RCHY1: variants seen among roughly 807,000 people sequenced by gnomAD.
RCHY1 encodes ring finger and CHY zinc finger domain containing 1.
Under a neutral mutation model 41.6 loss-of-function variants are expected in RCHY1, and 21 were observed. That is an observed-to-expected ratio of 0.51 (90% CI 0.36 to 0.73). RCHY1 has a LOEUF of 0.73. RCHY1 is among the 30% of genes least tolerant of loss of function. The pLI is 0.00. For missense variants in RCHY1, 265 were observed against 325.3 expected (o/e 0.81, Z 1.43); for synonymous variants, 79 against 102.9 (o/e 0.77, Z 1.41).
chr4:75,504,621 T>C (rs1392912534), intron 3 of RCHY1, among the ~76,000 whole-genome samples: 1 of 152,236 alleles, frequency 6.6e-6, no homozygotes, highest in Non-Finnish European at 1.5e-5. Flanking sequence ...TTGAAAGTTA[T>C]ACTCAGATTT....
upstream of RCHY1, chr4:75,514,499 G>C (rs1316178854): frequency 5.7e-6 from 3 of 530,776 alleles, no homozygotes; most frequent in Non-Finnish European, 1.0e-5. Flanking sequence ...GTTGACGTTA[G>C]TCGCAGTCTT....
chr4:75,498,153 G>T (rs576807759), intron 3 of RCHY1, among the ~76,000 whole-genome samples: 5 of 148,334 alleles, frequency 3.4e-5, no homozygotes, highest in African/African-American at 9.8e-5. Context: ...AAGAGAAGAC[G>T]TAAGAACTCA....
At chr4:75,506,403 C>T (rs989178375) in intron 3 of RCHY1, among the ~76,000 whole-genome samples, 3 of 151,488 alleles carry the variant, frequency 2.0e-5, no homozygotes, top group Admixed American at 1.3e-4. Context: ...AGTTATTAGG[C>T]ACAGTCCTTT....
intron 3 of RCHY1, among the ~76,000 whole-genome samples, chr4:75,500,014 T>C (rs1578226243): frequency 6.6e-6 from 1 of 152,002 alleles, no homozygotes; most frequent in Non-Finnish European, 1.5e-5. Flanking sequence ...GGTGGCACAT[T>C]CCTATAGTCC....
intron 8 of RCHY1, among the ~76,000 whole-genome samples, chr4:75,487,508 T>G (rs1329222691): frequency 1.6e-4 from 21 of 132,112 alleles, no homozygotes; most frequent in African/African-American, 4.3e-4. Context: ...AATATATATA[T>G]TCATAATATA....
chr4:75,488,429 A>G (rs1385201823), intron 8 of RCHY1, among the ~76,000 whole-genome samples: 1 of 152,184 alleles, frequency 6.6e-6, no homozygotes, highest in South Asian at 2.1e-4. Flanking sequence ...ACTCTCTTAA[A>G]TATAGACTTC....
At position 75,508,055 on chromosome 4, in the gene RCHY1, G is replaced by A. The variant is rs1207685028; in HGVS notation, c.326+765C>T. ...TATAATTTCTGTTATCTTTTGGTAG[G>A]TTGGTTATCCTTCCTTAAAAACAAA... is the stretch of plus-strand genomic sequence containing the variant. On this transcript the variant is annotated intron_variant, in intron 3 of 8. Transcript: ENST00000324439. Among the ~76,000 whole-genome samples the A allele has an allele frequency of 3.3e-5, 5 of 151,620 alleles. 1 individual carries two copies. The highest frequency in any genetic ancestry group is 9.7e-5 in the African/African-American group (4 of 41,238).
rs566197660 is a variant in RCHY1, at chr4:75,510,970, T to G, written c.91-1674A>C. Among the ~76,000 whole-genome samples, 11 of 152,306 alleles carry G rather than the reference T, an allele frequency of 7.2e-5. No individual in the cohort carries two copies. In the East Asian group the frequency reaches 2.1e-3, roughly 29 times the overall value. On this transcript the variant is annotated intron_variant, in intron 1 of 8. Transcript: ENST00000324439. ...AAGAAAGGAGTATTTTAATAGCCTT[T>G]TTGGAGAATTATGGATATCATTCTC...
At chr4:75,499,075 A>G (rs1723492867) in intron 3 of RCHY1, among the ~76,000 whole-genome samples, 1 of 152,198 alleles carries the variant, frequency 6.6e-6, no homozygotes, top group Non-Finnish European at 1.5e-5. Flanking sequence ...AAGAGCTCAG[A>G]CAACTTAATA....
chr4:75,494,254 C>T, intron 3 of RCHY1, 75 bp from the exon 4 acceptor site: 1 of 1,040,758 alleles, frequency 9.6e-7, no homozygotes, highest in South Asian at 1.5e-5. Flanking sequence ...ATGTAAAACA[C>T]AAGTTTAGTC....
At chr4:75,489,593 CG>C (rs143149469) in intron 8 of RCHY1, among the ~76,000 whole-genome samples, 195 of 151,810 alleles carry the variant, frequency 1.3e-3, no homozygotes, top group African/African-American at 4.6e-3. Context: ...GAGTGGAAAA[CG>C]TAAGTTGACC....
chr4:75,502,016 G>A (rs1578229301), intron 3 of RCHY1, among the ~76,000 whole-genome samples: 1 of 151,750 alleles, frequency 6.6e-6, no homozygotes, highest in Non-Finnish European at 1.5e-5. Context: ...AGGTTGCGGT[G>A]AGCCAAGACA....
intron 3 of RCHY1, among the ~76,000 whole-genome samples, chr4:75,499,389 T>A (rs1463136651): frequency 6.6e-6 from 1 of 152,120 alleles, no homozygotes; most frequent in Non-Finnish European, 1.5e-5. Context: ...AGACTAAACA[T>A]AGAGCTACCA....
intron 1 of RCHY1, among the ~76,000 whole-genome samples, chr4:75,512,915 G>A (rs949525674): frequency 3.2e-5 from 4 of 124,722 alleles, no homozygotes; most frequent in South Asian, 3.0e-4. Flanking sequence ...GGGGGGGGGG[G>A]GCGGGGGAAG....
chr4:75,489,736 C>A (rs1432520803), intron 8 of RCHY1, among the ~76,000 whole-genome samples: 1 of 152,142 alleles, frequency 6.6e-6, no homozygotes, highest in Non-Finnish European at 1.5e-5. Context: ...GTATTTTCAC[C>A]AAGTAAAGAA....
chr4:75,495,942 C>T (rs1437397392), intron 3 of RCHY1, among the ~76,000 whole-genome samples: 1 of 152,068 alleles, frequency 6.6e-6, no homozygotes, highest in South Asian at 2.1e-4. Flanking sequence ...TATTCCTGCA[C>T]AAACAGCAAA....
At position 75,487,485 on chromosome 4, in the gene RCHY1, C is replaced by CAT. The variant is rs1187246029; in HGVS notation, c.657+3094_657+3095dup. Among the ~76,000 whole-genome samples the CAT allele has an allele frequency of 3.9e-4, 35 of 89,272 alleles. No individual in the cohort carries two copies. In the East Asian group the frequency reaches 4.3e-3, roughly 11 times the overall value. The allele number at this position is 89,272 out of a possible 152,430, so 58.6% of individuals were successfully genotyped here. A position where few individuals can be genotyped will look rare whatever the true frequency, so the allele number is the denominator to read the frequency against. ...TATATATATTCACAATATATATAGT[C>CAT]ATATATATTCATAATATATATATTC... On this transcript the variant is annotated intron_variant, in intron 8 of 8. Coordinates refer to ENST00000324439, the MANE Select transcript of RCHY1 (RefSeq NM_015436.4).
chr4:75,513,632 TC>T (rs1232627206), intron 1 of RCHY1, among the ~76,000 whole-genome samples: 1 of 152,200 alleles, frequency 6.6e-6, no homozygotes, highest in East Asian at 1.9e-4. Context: ...TAAGAAGTTT[TC>T]TCAGAGTAAC....
chr4:75,491,364 A>G (rs1281738974), intron 7 of RCHY1: 2 of 365,346 alleles, frequency 5.5e-6, no homozygotes, highest in Admixed American at 8.9e-5. Context: ...TATGGCCAGA[A>G]AAAAAAGAGG....
Sources: allele counts gnomAD v4.1 joint callset (sites outside exome capture counted in the v4.1 genomes callset), GRCh38; gene constraint gnomAD v4.1.1; transcripts MANE v1.5; gene names NCBI Gene and HGNC (gene_info 2026-07-23, HGNC 2026-07-21).